Variants in TAFA1 observed in about 807,000 individuals in gnomAD.
TAFA1 encodes chemokine-like protein TAFA-1.
A neutral mutation model predicts 18.5 loss-of-function variants in TAFA1; 4 were observed. The observed-to-expected ratio is 0.22, with a 90% CI of 0.11 to 0.49. The LOEUF (loss-of-function observed/expected upper bound fraction) is 0.49, where lower values mean the gene tolerates loss of function less well. TAFA1 is among the 20% of genes least tolerant of loss of function. TAFA1 has a pLI of 0.98. For synonymous variants in TAFA1, 56 were observed against 55.2 expected, an observed-to-expected ratio of 1.01 and a Z score of -0.06; for missense variants, 147 against 169.0, an observed-to-expected ratio of 0.87 and a Z score of 0.72.
chr3:68,321,279 T>C lies in TAFA1; in HGVS notation c.119-96001T>C, dbSNP rs115605137. Among the ~76,000 whole-genome samples the C allele has an allele frequency of 4.5e-3, 679 of 152,298 alleles. 5 individuals carry two copies. The highest frequency in any genetic ancestry group is 0.015 in the African/African-American group (643 of 41,570). On this transcript the variant is annotated intron_variant, in intron 2 of 4. Transcript: ENST00000478136. Reference sequence around the variant, plus strand: ...CTATTATTATTACCCCTCTTGGTCATGCCCATAAAATGGGGATAATCATAG... The same window carrying C: ...CTATTATTATTACCCCTCTTGGTCACGCCCATAAAATGGGGATAATCATAG...
At chr3:68,254,051 G>A (rs2067245953) in intron 2 of TAFA1, among the ~76,000 whole-genome samples, 1 of 151,988 alleles carries the variant, frequency 6.6e-6, no homozygotes, top group Non-Finnish European at 1.5e-5. Flanking sequence ...ATGGAACTCT[G>A]TGTTTCTGTC....
intron 2 of TAFA1, among the ~76,000 whole-genome samples, chr3:68,412,588 C>T (rs2070737781): frequency 1.3e-5 from 2 of 152,228 alleles, no homozygotes; most frequent in African/African-American, 2.4e-5. Context: ...CAAGTGTTCT[C>T]ATTGTTCAAT....
At chr3:68,124,937 C>T (rs1326894620) in intron 2 of TAFA1, among the ~76,000 whole-genome samples, 2 of 152,208 alleles carry the variant, frequency 1.3e-5, no homozygotes, top group African/African-American at 4.8e-5. Context: ...CTTGGATAAG[C>T]TCTGCATTTT....
At chr3:68,228,564 C>T (rs2066831809) in intron 2 of TAFA1, among the ~76,000 whole-genome samples, 1 of 152,222 alleles carries the variant, frequency 6.6e-6, no homozygotes, top group South Asian at 2.1e-4. Context: ...TCCTGCTCGA[C>T]TGCTTAGTTA....
intron 2 of TAFA1, among the ~76,000 whole-genome samples, chr3:68,413,411 T>C (rs17047641): frequency 0.013 from 2,001 of 152,272 alleles, 46 homozygotes; most frequent in African/African-American, 0.046. Flanking sequence ...TATTATGGTA[T>C]TGGGCACATA....
At chr3:68,441,586 C>A (rs9813050) in intron 3 of TAFA1, among the ~76,000 whole-genome samples, 1,662 of 152,190 alleles carry the variant, frequency 0.011, 31 homozygotes, top group African/African-American at 0.038. Flanking sequence ...TTGTGCACAC[C>A]AGCATTCCAT....
chr3:68,524,175 T>C (rs1444545766), intron 3 of TAFA1, among the ~76,000 whole-genome samples: 2 of 152,160 alleles, frequency 1.3e-5, no homozygotes, highest in African/African-American at 4.8e-5. Flanking sequence ...TGTCTGATGA[T>C]TGACAGGTTG....
intron 2 of TAFA1, among the ~76,000 whole-genome samples, chr3:68,327,982 C>T (rs2068804144): frequency 1.3e-5 from 2 of 152,126 alleles, no homozygotes; most frequent in African/African-American, 4.8e-5. Context: ...GGTATTGAGA[C>T]TACTAATTGA....
At chr3:68,328,550 C>A (rs972169158) in intron 2 of TAFA1, among the ~76,000 whole-genome samples, 49 of 152,250 alleles carry the variant, frequency 3.2e-4, no homozygotes, top group Middle Eastern at 3.4e-3. Flanking sequence ...ACATTTCAAC[C>A]TTGGTGGATT....
intron 2 of TAFA1, among the ~76,000 whole-genome samples, chr3:68,133,197 G>C (rs2065564474): frequency 6.6e-6 from 1 of 152,052 alleles, no homozygotes; most frequent in South Asian, 2.1e-4. Context: ...TGTTAGTTCT[G>C]AGGCCTCTGT....
chr3:68,113,898 T>C (rs1315074242), intron 2 of TAFA1, among the ~76,000 whole-genome samples: 1 of 1,858 alleles, frequency 5.4e-4, no homozygotes. Flanking sequence ...GTTTTTTTTG[T>C]TTTTTTTTTT....
chr3:68,065,287 G>A lies in TAFA1; in HGVS notation c.118+58543G>A, dbSNP rs2064659121. On this transcript the variant is annotated intron_variant, in intron 2 of 4. Coordinates refer to ENST00000478136, the MANE Select transcript of TAFA1 (RefSeq NM_213609.4). ...GTTTGTTTTAATTTGTTTTACTTGG[G>A]ATTTTCCAAGGATGACTGCAGAATA... 2.6e-5 allele frequency among the ~76,000 whole-genome samples: 4 copies of A among 152,100 alleles called. No individual in the cohort carries two copies. The South Asian group carries it at 8.3e-4, about 32-fold the overall frequency.
In TAFA1 at chr3:68,342,575, A is replaced by G. The variant is rs546292280; in HGVS notation, c.119-74705A>G. Among the ~76,000 whole-genome samples, 169 of 152,348 alleles carry G rather than the reference A, an allele frequency of 1.1e-3. 1 individual carries two copies. Among genetic ancestry groups the G allele is most frequent in the African/African-American group, 3.9e-3 (162 of 41,588 alleles). On this transcript the variant is annotated intron_variant, in intron 2 of 4. Transcript: ENST00000478136. Reference sequence around the variant, plus strand: ...CTTTTATTCTCAGCATGCTTGAGATAGCAAAGTAATTTTCGAGCTGAATGT... The same window carrying G: ...CTTTTATTCTCAGCATGCTTGAGATGGCAAAGTAATTTTCGAGCTGAATGT...
At chr3:68,274,929 A>T (rs1169205403) in intron 2 of TAFA1, among the ~76,000 whole-genome samples, 2 of 152,156 alleles carry the variant, frequency 1.3e-5, no homozygotes, top group Admixed American at 6.6e-5. Flanking sequence ...TTGCAAAATT[A>T]ACATAGACCA....
At chr3:68,300,602 G>A (rs1195533625) in intron 2 of TAFA1, among the ~76,000 whole-genome samples, 1 of 152,040 alleles carries the variant, frequency 6.6e-6, no homozygotes, top group Non-Finnish European at 1.5e-5. Flanking sequence ...GAAATGTGAG[G>A]ACATGAGATT....
At chr3:68,131,358 C>T (rs1436985161) in intron 2 of TAFA1, among the ~76,000 whole-genome samples, 1 of 152,136 alleles carries the variant, frequency 6.6e-6, no homozygotes, top group African/African-American at 2.4e-5. Context: ...GAGAGCTGGT[C>T]TCTAAGGTGC....
intron 2 of TAFA1, among the ~76,000 whole-genome samples, chr3:68,226,697 C>T (rs1023848977): frequency 6.6e-6 from 1 of 152,110 alleles, no homozygotes; most frequent in Non-Finnish European, 1.5e-5. Flanking sequence ...TCTCAACCAC[C>T]CTGAGATGTA....
At chr3:68,002,110 T>C (rs1488734246), upstream of TAFA1, among the ~76,000 whole-genome samples, 1 of 152,024 alleles carries the variant, frequency 6.6e-6, no homozygotes, top group Non-Finnish European at 1.5e-5. Flanking sequence ...AATGTGAGAG[T>C]AGTTTTGCTT....
chr3:68,251,254 C>A (rs1445378933), intron 2 of TAFA1, among the ~76,000 whole-genome samples: 1 of 152,148 alleles, frequency 6.6e-6, no homozygotes, highest in African/African-American at 2.4e-5. Context: ...TCTCAGACTC[C>A]AAATTCTAGG....
Sources: gnomAD v4.1 joint callset for allele counts (sites outside exome capture counted in the v4.1 genomes callset) on GRCh38, gnomAD v4.1.1 for gene constraint, MANE v1.5 for transcripts, NCBI Gene and HGNC (gene_info 2026-07-23, HGNC 2026-07-21) for gene names.